The following PIP4K2A variants were observed in gnomAD, a reference collection of about 807,000 sequenced individuals.
PIP4K2A encodes phosphatidylinositol-5-phosphate 4-kinase type 2 alpha, also known as phosphatidylinositol 5-phosphate 4-kinase type-2 alpha.
PIP4K2A carries 14 observed loss-of-function variants against 42.9 expected under a neutral mutation model. The observed-to-expected ratio is 0.33, with a 90% CI of 0.22 to 0.51. The LOEUF is 0.51. Among genes scored for constraint, PIP4K2A ranks in the 20% least tolerant of loss-of-function variants. The pLI, the probability that PIP4K2A is intolerant of heterozygous loss-of-function variation, is 0.97. For synonymous variants in PIP4K2A, 192 were observed against 192.2 expected, an observed-to-expected ratio of 1.00 and a Z score of 0.01; for missense variants, 434 against 519.8, an observed-to-expected ratio of 0.83 and a Z score of 1.61.
At chr10:22,661,157 T>C (rs1241200191) in intron 1 of PIP4K2A, among the ~76,000 whole-genome samples, 1 of 152,224 alleles carries the variant, frequency 6.6e-6, no homozygotes, top group East Asian at 1.9e-4. Context: ...GTCAAATGTT[T>C]TAACTTAGAC....
chr10:22,578,549 A>G (rs574925768), intron 4 of PIP4K2A, among the ~76,000 whole-genome samples: 7 of 151,994 alleles, frequency 4.6e-5, no homozygotes, highest in African/African-American at 7.3e-5. Flanking sequence ...TCTTTGGCCA[A>G]TGCTTCCTCC....
chr10:22,677,137 G>C (rs548078554), intron 1 of PIP4K2A, among the ~76,000 whole-genome samples: 1 of 152,220 alleles, frequency 6.6e-6, no homozygotes, highest in South Asian at 2.1e-4. Context: ...TACATGTTTT[G>C]CATGTACATG....
intron 1 of PIP4K2A, among the ~76,000 whole-genome samples, chr10:22,618,275 T>C (rs961142276): frequency 6.6e-6 from 1 of 152,220 alleles, no homozygotes; most frequent in Non-Finnish European, 1.5e-5. Context: ...GAAAACAAAA[T>C]TCCTTTGTGA....
intron 1 of PIP4K2A, chr10:22,659,682 C>G (rs958862813): frequency 2.0e-5 from 3 of 152,258 alleles, no homozygotes; most frequent in African/African-American, 4.8e-5. Flanking sequence ...GTGGCAGGCG[C>G]CTGTAATCCC....
chr10:22,692,939 G>A (rs906875642), intron 1 of PIP4K2A, among the ~76,000 whole-genome samples: 8 of 152,192 alleles, frequency 5.3e-5, no homozygotes, highest in Non-Finnish European at 1.0e-4. Context: ...TCTGTTTACA[G>A]CCAGGCTGGG....
chr10:22,592,565 C>T (rs1303613033), intron 3 of PIP4K2A, among the ~76,000 whole-genome samples: 8 of 152,152 alleles, frequency 5.3e-5, no homozygotes, highest in Non-Finnish European at 7.4e-5. Context: ...TGGACAAGGA[C>T]GGGCTCTGAG....
rs373880329 is a variant in PIP4K2A, at chr10:22,674,623, G to A, written c.144+39560C>T. On this transcript the variant is annotated intron_variant, in intron 1 of 9. Transcript: ENST00000376573. ...TCTTTATAGCACTGAAAATATATTT[G>A]AACCACTAACGAATTTTGTTTTACT... is the stretch of plus-strand genomic sequence containing the variant. Among the ~76,000 whole-genome samples, 100 of 151,958 alleles carry A rather than the reference G, an allele frequency of 6.6e-4. No individual in the cohort carries two copies. The South Asian group carries it at 0.02, about 30-fold the overall frequency.
At chr10:22,558,986 G>A (rs1206171201) in intron 6 of PIP4K2A, among the ~76,000 whole-genome samples, 6 of 152,068 alleles carry the variant, frequency 3.9e-5, no homozygotes, top group Admixed American at 2.0e-4. Context: ...CAAAGGTGAC[G>A]GTTTGGTCTT....
chr10:22,549,746 C>T (rs549698777), intron 7 of PIP4K2A, among the ~76,000 whole-genome samples: 13 of 139,756 alleles, frequency 9.3e-5, no homozygotes, highest in Admixed American at 1.6e-4. Context: ...GAGGCTGAGG[C>T]GGGAGAATGG....
intron 7 of PIP4K2A, among the ~76,000 whole-genome samples, chr10:22,549,201 A>G (rs1836333031): frequency 6.6e-6 from 1 of 152,240 alleles, no homozygotes; most frequent in South Asian, 2.1e-4. Flanking sequence ...TTTATGATCT[A>G]AAAATATTAA....
At chr10:22,554,295 T>C (rs1836481530) in intron 6 of PIP4K2A, among the ~76,000 whole-genome samples, 1 of 152,230 alleles carries the variant, frequency 6.6e-6, no homozygotes, top group Admixed American at 6.5e-5. Context: ...TTTTTTTAAA[T>C]GTGGAAAACT....
chr10:22,552,829 C>A (rs1309206585), intron 6 of PIP4K2A, among the ~76,000 whole-genome samples: 1 of 152,058 alleles, frequency 6.6e-6, no homozygotes, highest in Non-Finnish European at 1.5e-5. Context: ...AGGATATCTG[C>A]CTCAATTCCA....
chr10:22,654,687 T>TG (rs1283135769), intron 1 of PIP4K2A, among the ~76,000 whole-genome samples: 1 of 152,158 alleles, frequency 6.6e-6, no homozygotes, highest in Non-Finnish European at 1.5e-5. Context: ...GGGGAAGCCC[T>TG]GCAAGCTGGA....
chr10:22,568,961 G>C (rs1836914607), intron 5 of PIP4K2A: 2 of 1,381,172 alleles, frequency 1.4e-6, no homozygotes, highest in Admixed American at 3.9e-5. Context: ...CTGATGAAAA[G>C]ACATCTATTG....
At chr10:22,702,158 T>C (rs950219763) in intron 1 of PIP4K2A, among the ~76,000 whole-genome samples, 1 of 152,184 alleles carries the variant, frequency 6.6e-6, no homozygotes, top group Admixed American at 6.5e-5. Flanking sequence ...CCTGAATGAC[T>C]ATCCAAGGAA....
intron 3 of PIP4K2A, among the ~76,000 whole-genome samples, chr10:22,600,631 G>T (rs1008283419): frequency 6.6e-6 from 1 of 152,168 alleles, no homozygotes; most frequent in African/African-American, 2.4e-5. Flanking sequence ...CTGCCCTGCT[G>T]ACAGCTCAGG....
chr10:22,689,695 G>A (rs1467365772), intron 1 of PIP4K2A, among the ~76,000 whole-genome samples: 1 of 152,154 alleles, frequency 6.6e-6, no homozygotes, highest in African/African-American at 2.4e-5. Context: ...AGATTTCAAG[G>A]TGCATGACAG....
In PIP4K2A at chr10:22,649,460, C is replaced by G. The variant is rs949557678; in HGVS notation, c.145-39743G>C. 2.6e-5 allele frequency among the ~76,000 whole-genome samples: 4 copies of G among 152,342 alleles called. No homozygotes were observed. The South Asian group carries it at 8.3e-4, about 32-fold the overall frequency. On this transcript the variant is annotated intron_variant, in intron 1 of 9. Transcript: ENST00000376573. ...CCCCTGAGCCAAAACACGTGTCAAA[C>G]GGCCATCTCTTTTCCACCTAAGCGC...
rs1312515461 is a variant in PIP4K2A at position 22,536,360 on chromosome 10, G to C, written c.*841C>G. The C allele has an allele frequency of 1.9e-5, 4 of 209,368 alleles. No homozygotes were observed. The South Asian group carries it at 1.5e-3, about 80-fold the overall frequency. 13.0% of individuals were successfully genotyped at this position (209,368 alleles called of 1,614,324 possible). On this transcript the variant is annotated 3_prime_UTR_variant, in exon 10 of 10. Coordinates refer to ENST00000376573, the MANE Select transcript of PIP4K2A (RefSeq NM_005028.5). ...TGCAACGTAAGGGTGAACAATGAAGGCTCCAGGCAAGAAAAGAGAAGTAAG... is the reference window on the plus strand; with the variant it reads ...TGCAACGTAAGGGTGAACAATGAAGCCTCCAGGCAAGAAAAGAGAAGTAAG...
Sources: allele counts gnomAD v4.1 joint callset (sites outside exome capture counted in the v4.1 genomes callset), GRCh38; gene constraint gnomAD v4.1.1; transcripts MANE v1.5; gene names NCBI Gene and HGNC (gene_info 2026-07-23, HGNC 2026-07-21).